CEP112: variants seen among roughly 807,000 people sequenced by gnomAD.
CEP112 encodes the protein centrosomal protein of 112 kDa.
Under a neutral mutation model 153.0 loss-of-function variants are expected in CEP112, and 127 were observed. The observed-to-expected ratio is 0.83, with a 90% CI of 0.72 to 0.96. The LOEUF (loss-of-function observed/expected upper bound fraction) is 0.96, where lower values mean the gene tolerates loss of function less well. Ranked by LOEUF, CEP112 falls within the 40% of genes least tolerant of loss-of-function variation. CEP112 has a pLI of 0.00. For synonymous variants in CEP112, 358 were observed against 374.4 expected (o/e 0.96, Z 0.51); for missense variants, 1,089 against 1,101.2 (o/e 0.99, Z 0.16).
chr17:65,902,455 A>G, intron 19 of CEP112, 121 bp from the exon 20 acceptor site: 1 of 655,848 alleles, frequency 1.5e-6, no homozygotes, highest in Middle Eastern at 4.2e-4. Flanking sequence ...TTACATCATT[A>G]TTACCTCACC....
At chr17:65,966,006 C>G (rs2062401855) in intron 17 of CEP112, among the ~76,000 whole-genome samples, 1 of 150,352 alleles carries the variant, frequency 6.7e-6, no homozygotes, top group African/African-American at 2.4e-5. Flanking sequence ...AATAGTGCAT[C>G]CTGAAAGAAG....
chr17:65,820,285 A>T (rs551385282), intron 21 of CEP112, among the ~76,000 whole-genome samples: 8 of 152,140 alleles, frequency 5.3e-5, no homozygotes, highest in African/African-American at 1.9e-4. Flanking sequence ...TCCATAAAAG[A>T]TCCCGCTTCC....
At chr17:66,035,006 ATATT>A (rs1568411560) in intron 12 of CEP112, among the ~76,000 whole-genome samples, 7,382 of 83,522 alleles carry the variant, frequency 0.088, 495 homozygotes, top group East Asian at 0.22. Flanking sequence ...ATATATATAT[ATATT>A]TTTTTTTTTA....
intron 23 of CEP112, among the ~76,000 whole-genome samples, chr17:65,689,897 C>A (rs1013348175): frequency 5.3e-5 from 8 of 152,096 alleles, no homozygotes; most frequent in African/African-American, 1.7e-4. Context: ...TTTCCATGTG[C>A]TATTTCTATA....
intron 13 of CEP112, among the ~76,000 whole-genome samples, chr17:66,029,474 A>G (rs577036903): frequency 6.6e-6 from 1 of 152,276 alleles, no homozygotes; most frequent in East Asian, 1.9e-4. Context: ...AGGCAAGAGG[A>G]TCACTTCAGA....
intron 21 of CEP112, among the ~76,000 whole-genome samples, chr17:65,798,236 AT>A (rs767207867): frequency 7.2e-5 from 11 of 152,124 alleles, no homozygotes; most frequent in Non-Finnish European, 1.3e-4. Context: ...CTCTCCAGGT[AT>A]TTAGTCATAA....
At chr17:66,001,474 A>C (rs1318863906) in intron 17 of CEP112, among the ~76,000 whole-genome samples, 1 of 152,238 alleles carries the variant, frequency 6.6e-6, no homozygotes, top group African/African-American at 2.4e-5. Flanking sequence ...GCTTGTCCAC[A>C]TTAGTGTCAG....
intron 12 of CEP112, among the ~76,000 whole-genome samples, chr17:66,031,286 G>A (rs1010737978): frequency 7.2e-5 from 11 of 151,988 alleles, no homozygotes; most frequent in Admixed American, 1.3e-4. Flanking sequence ...TTTAGATGGC[G>A]GAATAAAGAT....
At chr17:65,775,574 C>T (rs558244531) in intron 21 of CEP112, among the ~76,000 whole-genome samples, 82 of 152,062 alleles carry the variant, frequency 5.4e-4, no homozygotes, top group Non-Finnish European at 1.1e-3. Flanking sequence ...GCGATCTTGG[C>T]TCACTGCAAC....
At chr17:65,913,826 G>A (rs2060373399) in intron 19 of CEP112, 1 of 985,330 alleles carries the variant, frequency 1.0e-6, no homozygotes, top group Non-Finnish European at 1.2e-6. Flanking sequence ...GCTGATAGAT[G>A]AAGCAAGGCT....
At chr17:66,000,431 G>A (rs1175648220) in intron 17 of CEP112, among the ~76,000 whole-genome samples, 1 of 150,738 alleles carries the variant, frequency 6.6e-6, no homozygotes, top group Non-Finnish European at 1.5e-5. Flanking sequence ...TGTCTGGGCG[G>A]GGTGAGGCAG....
At chr17:65,961,143 G>C (rs544786767) in intron 18 of CEP112, among the ~76,000 whole-genome samples, 1 of 152,262 alleles carries the variant, frequency 6.6e-6, no homozygotes, top group African/African-American at 2.4e-5. Flanking sequence ...CACAGACATG[G>C]TTAACTGGAG....
At chr17:66,172,349 C>A (rs1045590560) in intron 4 of CEP112, among the ~76,000 whole-genome samples, 3 of 152,068 alleles carry the variant, frequency 2.0e-5, no homozygotes, top group African/African-American at 7.2e-5. Context: ...GGCGGGGTCG[C>A]CTAAACTGCC....
intron 1 of CEP112, among the ~76,000 whole-genome samples, chr17:66,189,520 T>G (rs1598532342): frequency 6.9e-6 from 1 of 144,352 alleles, no homozygotes. Flanking sequence ...AAAAAAAAAG[T>G]ATTTTGAAAA....
rs1313010282 is a variant in CEP112, at chr17:65,975,119, G to A, written c.1737-13521C>T. ...CAATCTTTGGATCATGTGCTCTTGGGCTGAAGACGAAAAGAACACAAAAGA... is the reference window on the plus strand; with the variant it reads ...CAATCTTTGGATCATGTGCTCTTGGACTGAAGACGAAAAGAACACAAAAGA... On this transcript the variant is annotated intron_variant, in intron 17 of 26. Coordinates refer to ENST00000535342, the MANE Select transcript of CEP112 (RefSeq NM_001199165.4). 2.6e-5 allele frequency among the ~76,000 whole-genome samples: 4 copies of A among 152,114 alleles called. No homozygotes were observed. The South Asian group carries it at 8.3e-4, about 31-fold the overall frequency.
chr17:65,987,102 A>G (rs1030644848), intron 17 of CEP112, among the ~76,000 whole-genome samples: 1 of 152,200 alleles, frequency 6.6e-6, no homozygotes, highest in Non-Finnish European at 1.5e-5. Context: ...AAAATATACC[A>G]TCAAAATAAT....
intron 21 of CEP112, among the ~76,000 whole-genome samples, chr17:65,754,993 T>A (rs897370940): frequency 3.3e-5 from 5 of 151,986 alleles, no homozygotes; most frequent in African/African-American, 2.4e-5. Context: ...GATACCTAGG[T>A]ATGGGTTGGT....
intron 23 of CEP112, among the ~76,000 whole-genome samples, chr17:65,698,151 CA>C (rs1435535772): frequency 6.6e-6 from 1 of 152,032 alleles, no homozygotes; most frequent in Admixed American, 6.6e-5. Context: ...GGTTTTTACC[CA>C]ATACATATGT....
intron 19 of CEP112, chr17:65,913,609 C>T (rs1392224299): frequency 3.0e-6 from 3 of 985,382 alleles, no homozygotes; most frequent in Non-Finnish European, 3.6e-6. Flanking sequence ...GTTCAGTTTA[C>T]GCATGGAAGT....
Sources: allele counts gnomAD v4.1 joint callset (sites outside exome capture counted in the v4.1 genomes callset), GRCh38; gene constraint gnomAD v4.1.1; transcripts MANE v1.5; gene names NCBI Gene and HGNC (gene_info 2026-07-23, HGNC 2026-07-21).